Variants in RALGAPA2 observed in about 807,000 individuals in gnomAD.
RALGAPA2 encodes the protein Ral GTPase activating protein catalytic subunit alpha 2.
RALGAPA2 carries 139 observed loss-of-function variants against 230.4 expected under a neutral mutation model. The ratio of observed to expected loss-of-function variants is 0.60; its 90% confidence interval spans 0.53 to 0.69. RALGAPA2 has a LOEUF of 0.69. RALGAPA2 is among the 30% of genes least tolerant of loss of function. The probability of loss-of-function intolerance (pLI) is 0.00; values close to 1 mark genes in which losing one functional copy is unlikely to be tolerated. For synonymous variants in RALGAPA2, 847 were observed against 837.8 expected (o/e 1.01, Z -0.19); for missense variants, 2,163 against 2,276.0 (o/e 0.95, Z 1.01).
chr20:20,542,406 C>T (rs896911497), intron 24 of RALGAPA2, among the ~76,000 whole-genome samples: 5 of 152,166 alleles, frequency 3.3e-5, no homozygotes, highest in African/African-American at 9.7e-5. Context: ...TTAGAAAAGA[C>T]TACTTTAAAT....
chr20:20,515,413 C>G (rs77103758), intron 31 of RALGAPA2, among the ~76,000 whole-genome samples: 1 of 152,188 alleles, frequency 6.6e-6, no homozygotes, highest in African/African-American at 2.4e-5. Flanking sequence ...AGGAACTCAA[C>G]AGGAAAACTG....
At chr20:20,428,249 T>C (rs1218807552) in intron 37 of RALGAPA2, among the ~76,000 whole-genome samples, 12 of 152,178 alleles carry the variant, frequency 7.9e-5, no homozygotes, top group Admixed American at 7.9e-4. Flanking sequence ...CTGTTAAAGA[T>C]AAAATTCCCA....
intron 35 of RALGAPA2, among the ~76,000 whole-genome samples, chr20:20,501,427 A>G (rs754718404): frequency 6.6e-6 from 1 of 152,182 alleles, no homozygotes; most frequent in Non-Finnish European, 1.5e-5. Flanking sequence ...CTCAAACTTC[A>G]TGAACCAACC....
At chr20:20,436,886 C>T (rs939702096) in intron 37 of RALGAPA2, among the ~76,000 whole-genome samples, 16 of 152,172 alleles carry the variant, frequency 1.1e-4, no homozygotes, top group Non-Finnish European at 5.9e-5. Flanking sequence ...ATCCCTGCCA[C>T]GGGCGGGCGG....
At chr20:20,566,915 G>A (rs12624436) in intron 23 of RALGAPA2, among the ~76,000 whole-genome samples, 4 of 152,086 alleles carry the variant, frequency 2.6e-5, no homozygotes, top group East Asian at 1.9e-4. Context: ...GCATTGGAGA[G>A]AGGCCTCATG....
chr20:20,636,564 G>C (rs1330853704), intron 8 of RALGAPA2, among the ~76,000 whole-genome samples: 1 of 151,880 alleles, frequency 6.6e-6, no homozygotes, highest in Non-Finnish European at 1.5e-5. Flanking sequence ...GTGTATGTGT[G>C]TGTGTGTGTG....
chr20:20,653,241 T>C (rs1330071470), intron 4 of RALGAPA2, among the ~76,000 whole-genome samples: 2 of 147,466 alleles, frequency 1.4e-5, no homozygotes, highest in Admixed American at 6.8e-5. Flanking sequence ...ACTACTGTGA[T>C]TCAGGAGGTC....
rs1296221509 is a variant in RALGAPA2 at position 20,396,754 on chromosome 20, A to T, written c.5618-20T>A. ...TTTAATCTGAAGGGAAAGAACACAA[A>T]ATGGAATGAATACAAACACAACACC... is the stretch of plus-strand genomic sequence containing the variant. On this transcript the variant is annotated intron_variant, in intron 38 of 39. Transcript: ENST00000202677. 1 of 1,567,292 alleles carries T rather than the reference A, an allele frequency of 6.4e-7. No individual in the cohort carries two copies. Among genetic ancestry groups the T allele is most frequent in the Non-Finnish European group, 8.7e-7 (1 of 1,149,058 alleles).
At position 20,389,595 on chromosome 20, in the gene RALGAPA2, T is replaced by C. The variant is rs1302137193; in HGVS notation, c.*3694A>G. On this transcript the variant is annotated 3_prime_UTR_variant, in exon 40 of 40. Coordinates refer to ENST00000202677, the MANE Select transcript of RALGAPA2 (RefSeq NM_020343.4). The stretch of plus-strand genomic sequence containing the variant: ...GTGAACTTTATTTTCTTATAAACTA[T>C]AATGAGAATGAGAGAAACATATAGC... The C allele has an allele frequency of 1.3e-5, 2 of 152,228 alleles. No homozygotes were observed. The highest frequency in any genetic ancestry group is 2.9e-5 in the Non-Finnish European group (2 of 68,056). The allele number at this position is 152,228 out of a possible 1,614,324, so 9.4% of individuals were successfully genotyped here. A position where few individuals can be genotyped will look rare whatever the true frequency, so the allele number is the denominator to read the frequency against.
intron 37 of RALGAPA2, among the ~76,000 whole-genome samples, chr20:20,455,383 C>T (rs373785764): frequency 1.4e-4 from 22 of 152,364 alleles, no homozygotes; most frequent in African/African-American, 5.0e-4. Flanking sequence ...GTTACTATAA[C>T]GTGCACGGAA....
rs1006745801 is a variant in RALGAPA2 at position 20,571,945 on chromosome 20, A to G, written c.2903T>C (p.Ile968Thr). The G allele has an allele frequency of 4.4e-6, 7 of 1,597,994 alleles. No homozygotes were observed. The African/African-American group carries it at 8.0e-5, about 18-fold the overall frequency. Residue 968 changes from isoleucine (I) to threonine (T), a missense_variant and splice_region_variant, in exon 22 of 40, where the codon ATA becomes ACA. Coordinates refer to ENST00000202677, the MANE Select transcript of RALGAPA2 (RefSeq NM_020343.4). ...CAGGCTTATTGCTAGATTATCCCGT[A>G]TCTAATTCACAAAGAGGAGAATTTT... ...LYELWYKLAK[I>T]RDNLAISLDN...
Position 20,546,703 on chromosome 20 carries a change from C to G in RALGAPA2, c.3285+1G>C. ...GGGATGCTGAGCATTGTCATACTCA[C>G]CGTCAAAATGTCTGTGCTAAGGACC... On this transcript the variant is annotated splice_donor_variant, in intron 24 of 39. Transcript: ENST00000202677. LOFTEE classifies it high-confidence loss of function. 6.3e-7 allele frequency: 1 copy of G among 1,593,538 alleles called. No individual in the cohort carries two copies. Among genetic ancestry groups the G allele is most frequent in the Non-Finnish European group, 8.5e-7 (1 of 1,173,682 alleles).
In RALGAPA2 at chr20:20,451,172, A is replaced by T. The variant is rs74594916; in HGVS notation, c.5495+21657T>A. ...GAGAGCATGCTTGAAAAATGGCATC[A>T]AAACTGGAATATAGAAAGTGAGGCC... On this transcript the variant is annotated intron_variant, in intron 37 of 39. Transcript: ENST00000202677. Among the ~76,000 whole-genome samples, 650 of 152,338 alleles carry T rather than the reference A, an allele frequency of 4.3e-3. 3 individuals carry two copies. The highest frequency in any genetic ancestry group is 0.015 in the African/African-American group (624 of 41,582).
chr20:20,512,497 T>C lies in RALGAPA2; in HGVS notation c.4856+16A>G. Reference sequence around the variant, plus strand: ...AATAATGATAAAATAACTGGAGGTCTAGCTTGGATTGTTACCTTCTGTCCC... The same window carrying C: ...AATAATGATAAAATAACTGGAGGTCCAGCTTGGATTGTTACCTTCTGTCCC... On this transcript the variant is annotated intron_variant, in intron 32 of 39. Transcript: ENST00000202677. 6.4e-7 allele frequency: 1 copy of C among 1,551,194 alleles called. No homozygotes were observed. The highest frequency in any genetic ancestry group is 8.7e-7 in the Non-Finnish European group (1 of 1,151,848).
At position 20,605,157 on chromosome 20, in the gene RALGAPA2, CTGGAAGAG is replaced by C; in HGVS notation, c.2038+10_2038+17del. On this transcript the variant is annotated intron_variant, in intron 15 of 39. Transcript: ENST00000202677. ...CCAGTCCTAGACATCTGGTGTTAAC[CTGGAAGAG>C]TGGAAATACCTTTGCCTCGTTGCTT... The C allele has an allele frequency of 6.4e-7, 1 of 1,567,134 alleles. No individual in the cohort carries two copies. The highest frequency in any genetic ancestry group is 8.7e-7 in the Non-Finnish European group (1 of 1,145,018).
intron 4 of RALGAPA2, among the ~76,000 whole-genome samples, chr20:20,651,451 G>T (rs1371933711): frequency 6.6e-6 from 1 of 152,132 alleles, no homozygotes; most frequent in African/African-American, 2.4e-5. Context: ...CTGCACACCA[G>T]ATAAACAACA....
At chr20:20,481,586 G>C (rs1031731884) in intron 36 of RALGAPA2, among the ~76,000 whole-genome samples, 3 of 152,194 alleles carry the variant, frequency 2.0e-5, no homozygotes, top group African/African-American at 7.2e-5. Flanking sequence ...CCTTTATCAT[G>C]CAAGAAGTGG....
At chr20:20,616,264 T>C (rs992999132) in intron 12 of RALGAPA2, 73 bp from the exon 13 acceptor site, 1 of 1,092,864 alleles carries the variant, frequency 9.2e-7, no homozygotes, top group Non-Finnish European at 1.3e-6. Context: ...CTTACAGATA[T>C]TAATTTCACT....
intron 18 of RALGAPA2, 118 bp downstream of exon 18, chr20:20,589,150 A>T (rs2065214901): frequency 7.3e-7 from 1 of 1,365,828 alleles, no homozygotes; most frequent in African/African-American, 1.5e-5. Flanking sequence ...TTGGGCCTAT[A>T]AACTGTCTAA....
Sources: allele counts gnomAD v4.1 joint callset (sites outside exome capture counted in the v4.1 genomes callset), GRCh38; gene constraint gnomAD v4.1.1; transcripts MANE v1.5; gene names NCBI Gene and HGNC (gene_info 2026-07-23, HGNC 2026-07-21).